SLC5A4: variants seen among roughly 807,000 people sequenced by gnomAD.
SLC5A4 encodes the protein probable glucose sensor protein SLC5A4.
Under a neutral mutation model 70.3 loss-of-function variants are expected in SLC5A4, and 55 were observed. The ratio of observed to expected loss-of-function variants is 0.78; its 90% CI spans 0.63 to 0.98. The LOEUF is 0.98. SLC5A4 is among the 50% of genes least tolerant of loss of function. The pLI is 0.00. For missense variants in SLC5A4, 735 were observed against 839.2 expected, an observed-to-expected ratio of 0.88 and a Z score of 1.53; for synonymous variants, 268 against 305.7, an observed-to-expected ratio of 0.88 and a Z score of 1.29.
intron 11 of SLC5A4, among the ~76,000 whole-genome samples, chr22:32,228,013 T>C (rs1163348067): frequency 6.6e-6 from 1 of 152,136 alleles, no homozygotes; most frequent in Non-Finnish European, 1.5e-5. Context: ...ATTCTACTTA[T>C]GATAGCCTGA....
chr22:32,317,826 A>T, the SLC5A4 span, among the ~76,000 whole-genome samples: 1 of 152,352 alleles, frequency 6.6e-6, no homozygotes, highest in African/African-American at 2.4e-5. Flanking sequence ...CTAATGAAGC[A>T]GGAGATATAA....
chr22:32,300,485 C>A, the SLC5A4 span, among the ~76,000 whole-genome samples: 17 of 152,146 alleles, frequency 1.1e-4, no homozygotes, highest in African/African-American at 4.1e-4. Flanking sequence ...CCTTGCACTT[C>A]CCAAGTGAGG....
chr22:32,334,245 C>T, the SLC5A4 span, among the ~76,000 whole-genome samples: 4 of 152,162 alleles, frequency 2.6e-5, no homozygotes, highest in Non-Finnish European at 4.4e-5. Context: ...GGACCCACCT[C>T]TGCCCTCTCC....
chr22:32,269,696 C>T, the SLC5A4 span: 25 of 605,040 alleles, frequency 4.1e-5, no homozygotes, highest in Middle Eastern at 2.8e-4. The surrounding 1 kb of genome is among the most constrained non-coding windows in gnomAD (Gnocchi z 4.1). Context: ...TTCCCCCGTA[C>T]GGTGTGGCTC....
At chr22:32,328,573 C>T in the SLC5A4 span, among the ~76,000 whole-genome samples, 3 of 152,084 alleles carry the variant, frequency 2.0e-5, no homozygotes, top group Admixed American at 1.3e-4. Flanking sequence ...TACCAGCCAC[C>T]TGAGTGAGCT....
At chr22:32,250,054 G>T (rs1286689692) in intron 3 of SLC5A4, among the ~76,000 whole-genome samples, 1 of 152,172 alleles carries the variant, frequency 6.6e-6, no homozygotes, top group African/African-American at 2.4e-5. Flanking sequence ...GGGGACTCAG[G>T]GAGGAGAGAT....
At chr22:32,351,115 T>A in the SLC5A4 span, among the ~76,000 whole-genome samples, 20 of 152,250 alleles carry the variant, frequency 1.3e-4, no homozygotes, top group African/African-American at 4.6e-4. Flanking sequence ...ATGACAATAC[T>A]CTCAGAAAAT....
the SLC5A4 span, among the ~76,000 whole-genome samples, chr22:32,342,151 G>A: frequency 6.6e-6 from 1 of 152,088 alleles, no homozygotes; most frequent in Admixed American, 6.5e-5. Flanking sequence ...AATGGCTAAT[G>A]CTACACAAAT....
the SLC5A4 span, among the ~76,000 whole-genome samples, chr22:32,340,520 C>T: frequency 6.6e-6 from 1 of 152,340 alleles, no homozygotes; most frequent in East Asian, 1.9e-4. Flanking sequence ...GGCGGCGACG[C>T]ACGTGACAAG....
the SLC5A4 span, chr22:32,271,868 T>C: frequency 1.7e-6 from 1 of 602,316 alleles, no homozygotes; most frequent in Non-Finnish European, 3.2e-6. Flanking sequence ...CACGGTCCAC[T>C]GTGTGGCTTA....
At chr22:32,339,917 C>T in the SLC5A4 span, among the ~76,000 whole-genome samples, 2 of 152,216 alleles carry the variant, frequency 1.3e-5, no homozygotes, top group African/African-American at 4.8e-5. Flanking sequence ...CGAGGTTCTG[C>T]CCTGGGGATG....
chr22:32,232,460 A>G (rs1266671690), intron 9 of SLC5A4, among the ~76,000 whole-genome samples: 1 of 152,180 alleles, frequency 6.6e-6, no homozygotes, highest in East Asian at 1.9e-4. Flanking sequence ...CATATCCTCA[A>G]ACAACCTGAT....
the SLC5A4 span, among the ~76,000 whole-genome samples, chr22:32,342,236 T>A: frequency 6.6e-6 from 1 of 152,230 alleles, no homozygotes; most frequent in African/African-American, 2.4e-5. Context: ...ACCTCTTCCT[T>A]TTGATTTCAA....
chr22:32,231,991 C>T (rs1925790754), intron 9 of SLC5A4, among the ~76,000 whole-genome samples: 1 of 152,060 alleles, frequency 6.6e-6, no homozygotes, highest in Admixed American at 6.6e-5. Context: ...AGCAGTCCTC[C>T]CACCTCAGCC....
chr22:32,318,316 CATCTA>C, the SLC5A4 span, among the ~76,000 whole-genome samples: 3 of 151,976 alleles, frequency 2.0e-5, no homozygotes, highest in African/African-American at 7.3e-5. Flanking sequence ...CTCAAACTCT[CATCTA>C]AACTCCATTC....
chr22:32,332,622 T>C, the SLC5A4 span, among the ~76,000 whole-genome samples: 1 of 152,028 alleles, frequency 6.6e-6, no homozygotes, highest in Non-Finnish European at 1.5e-5. Flanking sequence ...GCGTTGGGAG[T>C]GGGGTCAACA....
the SLC5A4 span, among the ~76,000 whole-genome samples, chr22:32,284,497 CA>C: frequency 6.6e-6 from 1 of 152,160 alleles, no homozygotes; most frequent in Admixed American, 6.5e-5. Flanking sequence ...ATGCTGGCTG[CA>C]AGCTGGGAGC....
chr22:32,297,909 G>A, the SLC5A4 span, among the ~76,000 whole-genome samples: 4 of 100,472 alleles, frequency 4.0e-5, 1 homozygote, highest in South Asian at 3.8e-4. Context: ...ATTTCGTTAT[G>A]TACCCAGTAG....
At chr22:32,354,455 GAT>G in the SLC5A4 span, among the ~76,000 whole-genome samples, 1 of 149,460 alleles carries the variant, frequency 6.7e-6, no homozygotes, top group African/African-American at 2.5e-5. Flanking sequence ...TGATGCCCTG[GAT>G]ATAACACGTC....
Sources: gnomAD v4.1 joint callset for allele counts (sites outside exome capture counted in the v4.1 genomes callset) on GRCh38, gnomAD v4.1.1 for gene constraint, Gnocchi (gnomAD v3.1) non-coding constraint, MANE v1.5 for transcripts, NCBI Gene and HGNC (gene_info 2026-07-23, HGNC 2026-07-21) for gene names.